DMD: variants seen among roughly 807,000 people sequenced by gnomAD.
DMD encodes the protein mutant dystrophin.
DMD carries 63 observed loss-of-function variants against 330.1 expected under a neutral mutation model. That is an observed-to-expected ratio of 0.19 (90% CI 0.16 to 0.24). The LOEUF is 0.24. Ranked by LOEUF, DMD falls within the 10% of genes least tolerant of loss-of-function variation. The probability of loss-of-function intolerance (pLI) is 1.00; values close to 1 mark genes in which losing one functional copy is unlikely to be tolerated. For missense variants in DMD, 3,344 were observed against 2,684.1 expected (o/e 1.25, Z -5.43); for synonymous variants, 1,223 against 959.8 (o/e 1.27, Z -5.07).
intron 1 of DMD, among the ~76,000 whole-genome samples, chrX:33,166,763 A>G (rs1198360888): frequency 9.1e-6 from 1 of 109,429 alleles, no homozygotes; most frequent in Non-Finnish European, 1.9e-5. Flanking sequence ...ATACATACAT[A>G]CATATATATA....
chrX:31,640,824 G>T (rs938203606), intron 54 of DMD, among the ~76,000 whole-genome samples: 1 of 112,085 alleles, frequency 8.9e-6, no homozygotes, highest in Non-Finnish European at 1.9e-5. Flanking sequence ...TTTCTATGCA[G>T]ATCAGGGCAG....
At chrX:31,877,463 G>GA (rs1419970252) in intron 47 of DMD, among the ~76,000 whole-genome samples, 3 of 112,194 alleles carry the variant, frequency 2.7e-5, no homozygotes, top group Non-Finnish European at 3.8e-5. Context: ...AATACAGGTG[G>GA]TGGCTCCTGT....
At chrX:32,898,436 T>C (rs1392372171) in intron 2 of DMD, among the ~76,000 whole-genome samples, 1 of 112,226 alleles carries the variant, frequency 8.9e-6, no homozygotes, top group Non-Finnish European at 1.9e-5. Context: ...GGCGAGCCAG[T>C]GGCGTTAAAC....
intron 42 of DMD, among the ~76,000 whole-genome samples, chrX:32,308,994 C>T (rs754164567): frequency 9.0e-6 from 1 of 111,001 alleles, no homozygotes; most frequent in South Asian, 3.8e-4. Flanking sequence ...TTCATTGTAC[C>T]AATAAGTGAT....
intron 44 of DMD, among the ~76,000 whole-genome samples, chrX:32,100,057 A>C (rs1217576626): frequency 3.6e-5 from 4 of 110,669 alleles, no homozygotes; most frequent in Non-Finnish European, 7.6e-5. Flanking sequence ...TTCTGGATTC[A>C]ATGCATTTGC....
intron 43 of DMD, among the ~76,000 whole-genome samples, chrX:32,225,340 G>A (rs764723430): frequency 8.9e-6 from 1 of 111,772 alleles, no homozygotes; most frequent in African/African-American, 3.2e-5. Context: ...AGTGGTGGGT[G>A]TAATTGGCCC....
intron 51 of DMD, among the ~76,000 whole-genome samples, chrX:31,753,042 C>A (rs1439531669): frequency 1.8e-5 from 2 of 111,776 alleles, no homozygotes; most frequent in Non-Finnish European, 3.8e-5. Flanking sequence ...GTCTTTTCAA[C>A]AACATCAAAT....
chrX:32,891,160 G>C (rs1455393742), intron 2 of DMD, among the ~76,000 whole-genome samples: 1 of 112,204 alleles, frequency 8.9e-6, no homozygotes, highest in African/African-American at 3.2e-5. Flanking sequence ...CTGGCCTGGA[G>C]TACAGTTCAA....
intron 2 of DMD, among the ~76,000 whole-genome samples, chrX:32,983,574 C>CACAT (rs1436924677): frequency 1.6e-5 from 1 of 63,961 alleles, no homozygotes; most frequent in South Asian, 7.5e-4. Flanking sequence ...CACACACACA[C>CACAT]ATATAGGAAC....
At chrX:31,165,285 C>A (rs1052105451) in intron 74 of DMD, among the ~76,000 whole-genome samples, 1 of 112,186 alleles carries the variant, frequency 8.9e-6, no homozygotes, top group Admixed American at 9.4e-5. Flanking sequence ...CAAATTTTGG[C>A]TTCATAAGGT....
intron 7 of DMD, among the ~76,000 whole-genome samples, chrX:32,732,138 G>A (rs1014716175): frequency 3.4e-4 from 38 of 111,709 alleles, no homozygotes; most frequent in African/African-American, 9.8e-4. Flanking sequence ...GAGCCGATGC[G>A]ATCAACTGGA....
At chrX:32,278,931 A>C (rs1408323671) in intron 43 of DMD, among the ~76,000 whole-genome samples, 1 of 112,190 alleles carries the variant, frequency 8.9e-6, no homozygotes, top group Admixed American at 9.5e-5. Flanking sequence ...GGGATTAATA[A>C]CCAGAATATA....
At chrX:31,997,654 C>T (rs1603619670) in intron 44 of DMD, among the ~76,000 whole-genome samples, 1 of 109,271 alleles carries the variant, frequency 9.2e-6, no homozygotes, top group South Asian at 3.8e-4. Context: ...TTTTTCTTTG[C>T]AACTTAATGT....
chrX:31,783,779 CAG>C (rs1367792189), intron 50 of DMD, among the ~76,000 whole-genome samples: 2 of 111,211 alleles, frequency 1.8e-5, no homozygotes, highest in Non-Finnish European at 3.8e-5. Context: ...ACAGTTTCCT[CAG>C]AGTTTCAATC....
chrX:31,158,264 T>G (rs2038387600), intron 74 of DMD, among the ~76,000 whole-genome samples: 1 of 112,216 alleles, frequency 8.9e-6, no homozygotes, highest in African/African-American at 3.2e-5. Flanking sequence ...TACTCAGCAT[T>G]AAAGAAAGAA....
At chrX:32,413,965 C>A (rs1002382462) in intron 29 of DMD, among the ~76,000 whole-genome samples, 1 of 110,653 alleles carries the variant, frequency 9.0e-6, no homozygotes, top group Admixed American at 9.7e-5. Context: ...AGATGATCCA[C>A]CCACCTCGGC....
At chrX:31,650,049 C>A (rs1245163811) in intron 54 of DMD, among the ~76,000 whole-genome samples, 5 of 108,802 alleles carry the variant, frequency 4.6e-5, no homozygotes, top group Admixed American at 2.0e-4. Context: ...TTGAACTGAA[C>A]TCCTAGGTTC....
chrX:32,059,112 G>C (rs2147647406), intron 44 of DMD, among the ~76,000 whole-genome samples: 1 of 110,997 alleles, frequency 9.0e-6, no homozygotes, highest in South Asian at 3.8e-4. Context: ...GTGAGATGCT[G>C]TGCAATGGGT....
At chrX:32,682,275 T>C (rs1215244373) in intron 9 of DMD, among the ~76,000 whole-genome samples, 2 of 111,561 alleles carry the variant, frequency 1.8e-5, no homozygotes, top group Non-Finnish European at 3.8e-5. Flanking sequence ...ACCCATCGAT[T>C]AGAATTATGG....
Sources: allele counts gnomAD v4.1 joint callset (sites outside exome capture counted in the v4.1 genomes callset), GRCh38; gene constraint gnomAD v4.1.1; transcripts MANE v1.5; gene names NCBI Gene and HGNC (gene_info 2026-07-23, HGNC 2026-07-21).